Variants in ADK observed in about 807,000 individuals in gnomAD.
The protein encoded by ADK is adenosine kinase, also known as N6,N6-dimethyladenosine kinase.
A neutral mutation model predicts 44.7 loss-of-function variants in ADK; 24 were observed. That is an observed-to-expected ratio of 0.54 (90% confidence interval 0.39 to 0.76). ADK has a LOEUF of 0.76. ADK is among the 30% of genes least tolerant of loss of function. The pLI is 0.00. For synonymous variants in ADK, 128 were observed against 142.6 expected (o/e 0.90, Z 0.73); for missense variants, 321 against 425.1 (o/e 0.76, Z 2.15).
chr10:74,629,624 A>G (rs1482677528), intron 9 of ADK, among the ~76,000 whole-genome samples: 1 of 152,208 alleles, frequency 6.6e-6, no homozygotes, highest in Non-Finnish European at 1.5e-5. Flanking sequence ...ATACTTGTGA[A>G]GTGTACACTA....
At chr10:74,324,962 TTGCTTTTGCTATTTG>T (rs1337183671) in intron 4 of ADK, among the ~76,000 whole-genome samples, 1 of 152,222 alleles carries the variant, frequency 6.6e-6, no homozygotes, top group Non-Finnish European at 1.5e-5. Context: ...TTGCTCAAGA[TTGCTTTTGCTATTTG>T]GGATCTTTTG....
intron 4 of ADK, among the ~76,000 whole-genome samples, chr10:74,350,555 AACTAAG>A (rs1264504925): frequency 6.6e-6 from 1 of 152,186 alleles, no homozygotes; most frequent in Non-Finnish European, 1.5e-5. Context: ...GACAAGAAAT[AACTAAG>A]ATCACAGCAG....
At chr10:74,382,728 T>C (rs188072163) in intron 4 of ADK, among the ~76,000 whole-genome samples, 1 of 152,278 alleles carries the variant, frequency 6.6e-6, no homozygotes, top group Admixed American at 6.5e-5. Context: ...AATGAGTTTC[T>C]TGTTTAATTT....
At chr10:74,566,606 T>C (rs542899651) in intron 7 of ADK, among the ~76,000 whole-genome samples, 8 of 152,334 alleles carry the variant, frequency 5.3e-5, no homozygotes, top group Admixed American at 4.6e-4. Flanking sequence ...TCAGAAATTC[T>C]TATTTGTGCT....
At chr10:74,345,382 A>G (rs1045305357) in intron 4 of ADK, among the ~76,000 whole-genome samples, 3 of 151,376 alleles carry the variant, frequency 2.0e-5, no homozygotes, top group Non-Finnish European at 2.9e-5. Flanking sequence ...GTTGCCACTC[A>G]CTGGAACCTC....
At chr10:74,702,754 A>T (rs1856480046) in intron 10 of ADK, among the ~76,000 whole-genome samples, 1 of 151,654 alleles carries the variant, frequency 6.6e-6, no homozygotes, top group South Asian at 2.1e-4. Context: ...AAGTGCCATA[A>T]CACCTGGCAA....
chr10:74,575,557 G>A (rs1301630495), intron 7 of ADK, among the ~76,000 whole-genome samples: 1 of 152,166 alleles, frequency 6.6e-6, no homozygotes, highest in East Asian at 1.9e-4. Context: ...ACCTACATGT[G>A]CGAGGCAGCA....
chr10:74,216,962 G>A (rs192197090), intron 2 of ADK, among the ~76,000 whole-genome samples: 1 of 152,186 alleles, frequency 6.6e-6, no homozygotes. Context: ...GGTGATTTCT[G>A]CATTTCCATC....
At chr10:74,249,208 GGCTCTA>G (rs1220515113) in intron 3 of ADK, among the ~76,000 whole-genome samples, 1 of 152,100 alleles carries the variant, frequency 6.6e-6, no homozygotes, top group African/African-American at 2.4e-5. Context: ...GTGGGAGGAA[GGCTCTA>G]GCTTTTCTTA....
intron 10 of ADK, among the ~76,000 whole-genome samples, chr10:74,696,532 A>AT (rs892158714): frequency 1.8e-3 from 256 of 141,076 alleles, no homozygotes; most frequent in Non-Finnish European, 2.8e-3. Flanking sequence ...CCCCCAGCTA[A>AT]TTTTTTTTTT....
At chr10:74,586,556 A>T (rs766480427) in intron 7 of ADK, among the ~76,000 whole-genome samples, 3 of 152,170 alleles carry the variant, frequency 2.0e-5, no homozygotes, top group Admixed American at 1.3e-4. Flanking sequence ...GTTAATTTTT[A>T]AAAATAATTT....
intron 6 of ADK, among the ~76,000 whole-genome samples, chr10:74,440,701 A>C (rs1037252313): frequency 6.6e-6 from 1 of 152,126 alleles, no homozygotes; most frequent in Non-Finnish European, 1.5e-5. Flanking sequence ...TTGGGATTGG[A>C]AAATTTGGAG....
At chr10:74,193,749 A>G (rs1235288102) in intron 1 of ADK, among the ~76,000 whole-genome samples, 2 of 152,192 alleles carry the variant, frequency 1.3e-5, no homozygotes. Context: ...AGCCTGGGCA[A>G]CAGAACAGGA....
chr10:74,175,983 CT>C (rs11320887), intron 1 of ADK, among the ~76,000 whole-genome samples: 103,394 of 150,992 alleles, frequency 0.68, 35,940 homozygotes, highest in African/African-American at 0.77. Flanking sequence ...GTCTTAGATT[CT>C]TTTTTTTTTA....
chr10:74,484,850 G>A (rs1426095095), intron 6 of ADK, among the ~76,000 whole-genome samples: 1 of 152,092 alleles, frequency 6.6e-6, no homozygotes, highest in Non-Finnish European at 1.5e-5. Flanking sequence ...TAACAAAAAA[G>A]TGAAATCAAA....
At chr10:74,621,018 A>G (rs111616332) in intron 9 of ADK, among the ~76,000 whole-genome samples, 2,635 of 152,096 alleles carry the variant, frequency 0.017, 68 homozygotes, top group African/African-American at 0.06. Context: ...TCCATAGGTT[A>G]TCTTTTCACT....
intron 9 of ADK, among the ~76,000 whole-genome samples, chr10:74,645,357 T>G (rs1297631770): frequency 3.9e-5 from 6 of 152,236 alleles, no homozygotes; most frequent in African/African-American, 7.2e-5. Flanking sequence ...GAGTAATTCC[T>G]ACCATTCTTA....
At chr10:74,615,628 G>C (rs976728254) in intron 9 of ADK, among the ~76,000 whole-genome samples, 29 of 152,084 alleles carry the variant, frequency 1.9e-4, no homozygotes, top group African/African-American at 6.8e-4. Context: ...TAATGATTTT[G>C]ATTGGAATTT....
At chr10:74,205,887 T>G (rs1843579064) in intron 2 of ADK, among the ~76,000 whole-genome samples, 1 of 152,126 alleles carries the variant, frequency 6.6e-6, no homozygotes, top group African/African-American at 2.4e-5. Flanking sequence ...AAGGTTACGT[T>G]AGGGGAAAAC....
Sources: allele counts gnomAD v4.1 joint callset (sites outside exome capture counted in the v4.1 genomes callset), GRCh38; gene constraint gnomAD v4.1.1; transcripts MANE v1.5; gene names NCBI Gene and HGNC (gene_info 2026-07-23, HGNC 2026-07-21).